The following ETV5 variants were observed in gnomAD, a reference collection of about 807,000 sequenced individuals.
ETV5 encodes the protein ETS translocation variant 5.
Under a neutral mutation model 70.0 loss-of-function variants are expected in ETV5, and 10 were observed. The observed-to-expected ratio is 0.14, with a 90% CI of 0.09 to 0.24. ETV5 has a LOEUF of 0.24. Among genes scored for constraint, ETV5 ranks in the 10% least tolerant of loss-of-function variants. ETV5 has a pLI of 1.00. For missense variants in ETV5, 453 were observed against 651.2 expected, an observed-to-expected ratio of 0.70 and a Z score of 3.31; for synonymous variants, 216 against 242.2, an observed-to-expected ratio of 0.89 and a Z score of 1.01.
At chr3:186,066,631 A>C (rs1713453236) in intron 7 of ETV5, among the ~76,000 whole-genome samples, 1 of 152,344 alleles carries the variant, frequency 6.6e-6, no homozygotes, top group East Asian at 1.9e-4. Context: ...TCAGAGGAAA[A>C]GAAAGAAAAA....
At chr3:186,092,636 G>C (rs1714209814) in intron 5 of ETV5, among the ~76,000 whole-genome samples, 1 of 151,006 alleles carries the variant, frequency 6.6e-6, no homozygotes, top group Admixed American at 6.6e-5. Flanking sequence ...GTCTCACTAT[G>C]TTGCCCAGGC....
chr3:186,079,434 G>A (rs899638994), intron 7 of ETV5: 11 of 248,646 alleles, frequency 4.4e-5, no homozygotes, highest in African/African-American at 2.4e-4. Flanking sequence ...ATATGTAAGT[G>A]AAATGGTAAT....
At chr3:186,093,554 C>G (rs1404906131) in intron 5 of ETV5, among the ~76,000 whole-genome samples, 3 of 152,148 alleles carry the variant, frequency 2.0e-5, no homozygotes, top group Non-Finnish European at 4.4e-5. Flanking sequence ...ATCAAATACC[C>G]AGATGAAATA....
intron 11 of ETV5, among the ~76,000 whole-genome samples, chr3:186,056,785 A>G (rs1713172869): frequency 6.6e-6 from 1 of 152,254 alleles, no homozygotes; most frequent in South Asian, 2.1e-4. Flanking sequence ...ACTTTCCAAG[A>G]GGGAGAGCAT....
intron 1 of ETV5, among the ~76,000 whole-genome samples, 159 bp from the exon 2 acceptor site, chr3:186,106,101 C>T (rs1714581343): frequency 6.6e-6 from 1 of 152,128 alleles, no homozygotes; most frequent in Non-Finnish European, 1.5e-5. Context: ...CAATGCCGGG[C>T]TTGATTAATG....
intron 12 of ETV5, among the ~76,000 whole-genome samples, chr3:186,051,123 G>A (rs1308542221): frequency 1.3e-5 from 2 of 152,222 alleles, no homozygotes; most frequent in Admixed American, 1.3e-4. Context: ...AGCAAGTCTA[G>A]AGTTTATCCA....
intron 6 of ETV5, 72 bp downstream of exon 6, chr3:186,080,974 G>A (rs1713920150): frequency 6.6e-7 from 1 of 1,518,268 alleles, no homozygotes; most frequent in Non-Finnish European, 8.9e-7. Flanking sequence ...CACTGGGAAG[G>A]AACATTCAGC....
chr3:186,097,042 C>T (rs1034170064), intron 5 of ETV5, among the ~76,000 whole-genome samples: 1 of 152,138 alleles, frequency 6.6e-6, no homozygotes, highest in African/African-American at 2.4e-5. Flanking sequence ...TCAATCAAGG[C>T]TGGATGCTAT....
intron 7 of ETV5, among the ~76,000 whole-genome samples, chr3:186,075,641 C>T (rs1713765945): frequency 6.6e-6 from 1 of 152,208 alleles, no homozygotes; most frequent in Non-Finnish European, 1.5e-5. Flanking sequence ...TAGGCTGTTT[C>T]CTCCTTCAGA....
chr3:186,067,486 C>T (rs904600359), intron 7 of ETV5, among the ~76,000 whole-genome samples: 2 of 152,130 alleles, frequency 1.3e-5, no homozygotes, highest in South Asian at 2.1e-4. Context: ...GTTTTGTGCA[C>T]CTGTAATCCC....
intron 7 of ETV5, chr3:186,079,144 A>C (rs1713869503): frequency 9.9e-7 from 1 of 1,005,694 alleles, no homozygotes; most frequent in East Asian, 5.1e-5. Flanking sequence ...AGAAGGCCAC[A>C]AGCATCCGAG....
At chr3:186,107,525 T>C (rs1516727) in intron 1 of ETV5, among the ~76,000 whole-genome samples, 12,557 of 152,118 alleles carry the variant, frequency 0.083, 1,320 homozygotes, top group East Asian at 0.52. Flanking sequence ...TTCTAAAAAA[T>C]TAAAAGAAAT....
chr3:186,056,062 T>C (rs969927276), intron 11 of ETV5, among the ~76,000 whole-genome samples: 10 of 152,210 alleles, frequency 6.6e-5, no homozygotes, highest in Non-Finnish European at 1.2e-4. Flanking sequence ...CCCTTTAGAA[T>C]ATGCTATACT....
intron 11 of ETV5, among the ~76,000 whole-genome samples, chr3:186,056,651 T>C (rs1355939381): frequency 1.3e-5 from 2 of 152,226 alleles, no homozygotes; most frequent in East Asian, 1.9e-4. Context: ...CAGTGGGTAG[T>C]TGTATCCTGT....
chr3:186,052,223 A>C lies in ETV5; in HGVS notation c.1210-92T>G. ...CCAGCAGAGCCAGTTCTGTAACCTG[A>C]CTGCTTTGGTCAATGATCTGCTACT... On this transcript the variant is annotated intron_variant, in intron 11 of 12. Transcript: ENST00000306376. This position sits in a 1 kb window ranked among gnomAD's most constrained non-coding sequence, Gnocchi z 4.5. The C allele has an allele frequency of 8.2e-7, 1 of 1,214,662 alleles. No individual in the cohort carries two copies. The highest frequency in any genetic ancestry group is 1.2e-6 in the Non-Finnish European group (1 of 829,716). The allele number at this position is 1,214,662 out of a possible 1,614,324, so 75.2% of individuals were successfully genotyped here. A position where few individuals can be genotyped will look rare whatever the true frequency, so the allele number is the denominator to read the frequency against.
chr3:186,046,668 TCAAAAG>T lies in ETV5; in HGVS notation c.*1965_*1970del, dbSNP rs1234441758. The T allele has an allele frequency of 5.0e-3, 863 of 172,128 alleles. 13 individuals carry two copies. The highest frequency in any genetic ancestry group is 0.024 in the African/African-American group (781 of 33,186). 10.7% of individuals were successfully genotyped at this position (172,128 alleles called of 1,614,324 possible). On this transcript the variant is annotated 3_prime_UTR_variant, in exon 13 of 13. Coordinates refer to ENST00000306376, the MANE Select transcript of ETV5 (RefSeq NM_004454.3). ...TATTGCTAAGACAGCATAAATCCAT[TCAAAAG>T]AAAAAAAAAAAAAATCCAAACCAGG...
At chr3:186,108,749 G>A (rs1047075100) in intron 1 of ETV5, 191 bp downstream of exon 1, 8 of 947,918 alleles carry the variant, frequency 8.4e-6, no homozygotes, top group Non-Finnish European at 1.1e-5. Context: ...CCCGCCCGAC[G>A]CCTCCCAGGA....
intron 5 of ETV5, among the ~76,000 whole-genome samples, chr3:186,093,951 C>G (rs1432630108): frequency 6.6e-6 from 1 of 152,188 alleles, no homozygotes; most frequent in African/African-American, 2.4e-5. Context: ...GGCAATGGAC[C>G]TGTTGCGGGC....
chr3:186,063,699 A>G (rs926485070), intron 9 of ETV5, among the ~76,000 whole-genome samples: 2 of 152,192 alleles, frequency 1.3e-5, no homozygotes, highest in African/African-American at 4.8e-5. Flanking sequence ...CAATGAGAAA[A>G]CATTTGTGTC....
Sources: allele counts gnomAD v4.1 joint callset (sites outside exome capture counted in the v4.1 genomes callset), GRCh38; gene constraint gnomAD v4.1.1; non-coding constraint Gnocchi (gnomAD v3.1); transcripts MANE v1.5; gene names NCBI Gene and HGNC (gene_info 2026-07-23, HGNC 2026-07-21).